The following MARCHF1 variants were observed in gnomAD, a reference collection of about 807,000 sequenced individuals.
MARCHF1 encodes E3 ubiquitin-protein ligase MARCHF1.
MARCHF1 carries 40 observed loss-of-function variants against 54.2 expected under a neutral mutation model. The ratio of observed to expected loss-of-function variants is 0.74; its 90% CI spans 0.57 to 0.96. The LOEUF (loss-of-function observed/expected upper bound fraction) is 0.96, where lower values mean the gene tolerates loss of function less well. Ranked by LOEUF, MARCHF1 falls within the 40% of genes least tolerant of loss-of-function variation. The pLI is 0.00. For missense variants in MARCHF1, 586 were observed against 656.5 expected, an observed-to-expected ratio of 0.89 and a Z score of 1.17; for synonymous variants, 236 against 236.3, an observed-to-expected ratio of 1.00 and a Z score of 0.01.
intron 1 of MARCHF1, among the ~76,000 whole-genome samples, chr4:164,159,194 C>T (rs1730163093): frequency 6.6e-6 from 1 of 152,144 alleles, no homozygotes; most frequent in Admixed American, 6.5e-5. Context: ...ACAAATACTG[C>T]ACATGCTGTT....
At chr4:164,071,023 C>A (rs114511295) in intron 2 of MARCHF1, among the ~76,000 whole-genome samples, 1,647 of 152,266 alleles carry the variant, frequency 0.011, 25 homozygotes, top group African/African-American at 0.037. Flanking sequence ...CCTTTCGCCT[C>A]CCACCATGAT....
intron 1 of MARCHF1, among the ~76,000 whole-genome samples, chr4:164,280,559 C>A (rs904787035): frequency 1.3e-5 from 2 of 152,036 alleles, no homozygotes; most frequent in Non-Finnish European, 2.9e-5. Context: ...CCAAAATAAA[C>A]TCCAGATGGA....
intron 3 of MARCHF1, among the ~76,000 whole-genome samples, chr4:163,949,850 C>T (rs1173338677): frequency 1.3e-5 from 2 of 152,174 alleles, no homozygotes; most frequent in Non-Finnish European, 2.9e-5. Flanking sequence ...AGAGGAGACC[C>T]ATATTGGGTA....
chr4:163,897,128 ACT>A (rs1750827174), intron 3 of MARCHF1, among the ~76,000 whole-genome samples: 1 of 152,188 alleles, frequency 6.6e-6, no homozygotes, highest in African/African-American at 2.4e-5. Flanking sequence ...ATGGAGTAAC[ACT>A]ATAGACCTTG....
At chr4:164,160,089 A>C (rs2110938066) in intron 1 of MARCHF1, among the ~76,000 whole-genome samples, 1 of 152,260 alleles carries the variant, frequency 6.6e-6, no homozygotes, top group South Asian at 2.1e-4. Flanking sequence ...TGTTAATTTT[A>C]TTAGCTGCCC....
intron 4 of MARCHF1, among the ~76,000 whole-genome samples, chr4:163,773,686 C>A (rs1468302129): frequency 6.6e-6 from 1 of 152,156 alleles, no homozygotes; most frequent in Admixed American, 6.5e-5. Flanking sequence ...ATTTTTCACA[C>A]ACCTCACAGG....
chr4:164,232,119 C>T (rs1560965146), intron 1 of MARCHF1, among the ~76,000 whole-genome samples: 1 of 152,104 alleles, frequency 6.6e-6, no homozygotes. Context: ...TCACAAAGAA[C>T]AAAGTCAGTA....
chr4:164,063,169 G>A (rs148418354), intron 2 of MARCHF1, among the ~76,000 whole-genome samples: 10 of 152,118 alleles, frequency 6.6e-5, no homozygotes, highest in African/African-American at 2.4e-4. Context: ...TTTTCAGAAT[G>A]GCAAATAAGC....
intron 2 of MARCHF1, among the ~76,000 whole-genome samples, chr4:164,042,333 T>C (rs550932284): frequency 4.9e-4 from 75 of 152,240 alleles, no homozygotes; most frequent in African/African-American, 1.8e-3. Context: ...TTCCATAGGC[T>C]TAACAGGAAG....
At chr4:164,352,319 CA>C (rs1324574296) in intron 1 of MARCHF1, among the ~76,000 whole-genome samples, 2 of 109,516 alleles carry the variant, frequency 1.8e-5, no homozygotes, top group Non-Finnish European at 3.9e-5. Flanking sequence ...TCAGATTCAC[CA>C]AAGTTGAAAT....
At chr4:164,338,488 A>AT (rs1487792948) in intron 1 of MARCHF1, among the ~76,000 whole-genome samples, 1 of 152,174 alleles carries the variant, frequency 6.6e-6, no homozygotes, top group Non-Finnish European at 1.5e-5. Context: ...GGCATAATGG[A>AT]TTTTTTAAAA....
chr4:164,307,643 C>T (rs1344561058), intron 1 of MARCHF1, among the ~76,000 whole-genome samples: 1 of 152,186 alleles, frequency 6.6e-6, no homozygotes, highest in Non-Finnish European at 1.5e-5. Flanking sequence ...AATTCAACAA[C>T]AACAAAAATG....
intron 1 of MARCHF1, among the ~76,000 whole-genome samples, chr4:164,301,810 G>A (rs1734568587): frequency 6.6e-6 from 1 of 152,160 alleles, no homozygotes; most frequent in Non-Finnish European, 1.5e-5. Flanking sequence ...AGGATCGAAT[G>A]CTGGAAATGG....
At chr4:164,194,526 G>T (rs1321544670) in intron 1 of MARCHF1, among the ~76,000 whole-genome samples, 1 of 151,900 alleles carries the variant, frequency 6.6e-6, no homozygotes, top group Non-Finnish European at 1.5e-5. Flanking sequence ...TTAATACCTG[G>T]TGTCTGTCAA....
At chr4:164,032,357 A>G (rs1244259104) in intron 2 of MARCHF1, among the ~76,000 whole-genome samples, 1 of 151,964 alleles carries the variant, frequency 6.6e-6, no homozygotes, top group Admixed American at 6.6e-5. Flanking sequence ...GATCTTAGTT[A>G]TTTCTTGTCT....
At chr4:163,735,315 T>C (rs746241785) in intron 4 of MARCHF1, among the ~76,000 whole-genome samples, 1 of 152,154 alleles carries the variant, frequency 6.6e-6, no homozygotes, top group East Asian at 1.9e-4. Context: ...CCCATTAGAA[T>C]GTGAGAGCCA....
chr4:163,830,093 C>A (rs1748974939), intron 4 of MARCHF1, among the ~76,000 whole-genome samples: 1 of 151,904 alleles, frequency 6.6e-6, no homozygotes, highest in African/African-American at 2.4e-5. Flanking sequence ...CTCAAATGTT[C>A]AAAAAGTTCT....
At chr4:164,259,451 G>A (rs1217031077) in intron 1 of MARCHF1, among the ~76,000 whole-genome samples, 2 of 146,152 alleles carry the variant, frequency 1.4e-5, no homozygotes, top group East Asian at 4.1e-4. Flanking sequence ...GGCTGAGGCA[G>A]GAGAATCATT....
At chr4:163,798,775 AAGG>A (rs1231957980) in intron 4 of MARCHF1, among the ~76,000 whole-genome samples, 4 of 152,142 alleles carry the variant, frequency 2.6e-5, no homozygotes, top group African/African-American at 9.6e-5. Flanking sequence ...AGAATTCTAA[AAGG>A]AGACCATAAC....
Sources: gnomAD v4.1 joint callset for allele counts (sites outside exome capture counted in the v4.1 genomes callset) on GRCh38, gnomAD v4.1.1 for gene constraint, MANE v1.5 for transcripts, NCBI Gene and HGNC (gene_info 2026-07-23, HGNC 2026-07-21) for gene names.